The following SH3BP4 variants were observed in gnomAD, a reference collection of about 807,000 sequenced individuals.
SH3BP4 encodes the protein SH3 domain-binding protein 4.
SH3BP4 carries 33 observed loss-of-function variants against 65.5 expected under a neutral mutation model. The ratio of observed to expected loss-of-function variants is 0.50; its 90% CI spans 0.38 to 0.67. SH3BP4 has a LOEUF of 0.67. Among genes scored for constraint, SH3BP4 ranks in the 30% least tolerant of loss-of-function variants. SH3BP4 has a pLI of 0.00. For missense variants in SH3BP4, 1,134 were observed against 1,261.4 expected (o/e 0.90, Z 1.53); for synonymous variants, 552 against 545.5 (o/e 1.01, Z -0.17).
At chr2:235,008,339 C>T (rs1021143629) in intron 2 of SH3BP4, among the ~76,000 whole-genome samples, 1 of 152,132 alleles carries the variant, frequency 6.6e-6, no homozygotes, top group Non-Finnish European at 1.5e-5. Flanking sequence ...CTGGCATGAG[C>T]TCTGGGCTGC....
intron 2 of SH3BP4, among the ~76,000 whole-genome samples, chr2:235,013,410 T>C (rs1339044572): frequency 6.6e-6 from 1 of 152,228 alleles, no homozygotes; most frequent in African/African-American, 2.4e-5. Context: ...GGCTGGGGTC[T>C]CCCGCCCTTG....
chr2:235,041,471 G>A lies in SH3BP4; in HGVS notation c.702G>A (p.Arg234=). ...TCCACGCAGAGCCGCCGGTCAGGCG[G>A]GACAACCCCTTCTTCAGAAGCAAGC... ...NGLHAEPPVR[R]DNPFFRSKRS... is the part of the protein sequence containing the mutation. Residue 234 remains arginine (R), a synonymous_variant, in exon 4 of 6, where the codon CGG becomes CGA. Transcript: ENST00000392011. This position sits in a 1 kb window ranked among gnomAD's most constrained non-coding sequence, Gnocchi z 6.0. 1 of 1,614,162 alleles carries A rather than the reference G, an allele frequency of 6.2e-7. No homozygotes were observed. The highest frequency in any genetic ancestry group is 8.5e-7 in the Non-Finnish European group (1 of 1,180,040).
intron 2 of SH3BP4, among the ~76,000 whole-genome samples, chr2:235,002,482 A>G (rs1694158310): frequency 1.3e-5 from 2 of 152,234 alleles, no homozygotes; most frequent in South Asian, 4.2e-4. Context: ...ACTGTAATCC[A>G]AGGGAGGCTG....
At chr2:235,037,337 C>T (rs188240817) in intron 3 of SH3BP4, among the ~76,000 whole-genome samples, 1 of 152,128 alleles carries the variant, frequency 6.6e-6, no homozygotes, top group Non-Finnish European at 1.5e-5. Flanking sequence ...AAGGGGGAAT[C>T]ACACAACAGT....
In SH3BP4 at chr2:235,034,890, T is replaced by C; in HGVS notation, c.-113T>C. ...TTTCAGGAAGAAACATATTGCCGAG[T>C]GGATGCCGCCGCGCAGCGTGTTTGC... On this transcript the variant is annotated 5_prime_UTR_variant, in exon 3 of 6. Transcript: ENST00000392011. This position sits in a 1 kb window ranked among gnomAD's most constrained non-coding sequence, Gnocchi z 6.2. The C allele has an allele frequency of 1.2e-6, 1 of 824,284 alleles. No homozygotes were observed. Among genetic ancestry groups the C allele is most frequent in the South Asian group, 1.6e-5 (1 of 63,024 alleles). 51.1% of individuals were successfully genotyped at this position (824,284 alleles called of 1,614,324 possible). A position where few individuals can be genotyped will look rare whatever the true frequency, so the allele number is the denominator to read the frequency against.
At chr2:235,002,528 C>T (rs1211516874) in intron 2 of SH3BP4, among the ~76,000 whole-genome samples, 1 of 152,142 alleles carries the variant, frequency 6.6e-6, no homozygotes, top group Non-Finnish European at 1.5e-5. Flanking sequence ...GAGTTCAAGT[C>T]CAGCCTGGGC....
In SH3BP4 at chr2:235,035,298, T is replaced by C. The variant is rs1695343270; in HGVS notation, c.118+178T>C. On this transcript the variant is annotated intron_variant, in intron 3 of 5. Transcript: ENST00000392011. The surrounding 1 kb of genome is among the most constrained non-coding windows in gnomAD (Gnocchi z 5.0). ...CCTGGAATCATAGTCACTTGTCTTA[T>C]TTTTTGGTTCCCCCTTATTAGTGAA... Among the ~76,000 whole-genome samples, 1 of 152,228 alleles carries C rather than the reference T, an allele frequency of 6.6e-6. No individual in the cohort carries two copies.
chr2:234,959,223 T>C (rs1692652334), intron 1 of SH3BP4, among the ~76,000 whole-genome samples: 1 of 152,214 alleles, frequency 6.6e-6, no homozygotes, highest in African/African-American at 2.4e-5. Flanking sequence ...CCGAGGAACC[T>C]GCACCTGGGT....
chr2:235,015,574 C>T (rs535144957), intron 2 of SH3BP4, among the ~76,000 whole-genome samples: 1 of 152,322 alleles, frequency 6.6e-6, no homozygotes, highest in South Asian at 2.1e-4. Context: ...CAGTGTTAGC[C>T]TGAAGGACCA....
rs761804882 is a variant in SH3BP4 at position 235,042,067 on chromosome 2, G to A, written c.1298G>A (p.Ser433Asn). Residue 433 changes from serine (S) to asparagine (N), a missense_variant, in exon 4 of 6, where the codon AGC becomes AAC. Ser to Asn is a conservative substitution (Grantham distance 46). Coordinates refer to ENST00000392011, the MANE Select transcript of SH3BP4 (RefSeq NM_014521.3). The surrounding 1 kb of genome is among the most constrained non-coding windows in gnomAD (Gnocchi z 7.3). Reference protein sequence around the residue: ...GPYVSVPLNCSCGDTVQAQLH... With the variant: ...GPYVSVPLNCNCGDTVQAQLH... Reference sequence around the variant, plus strand: ...TATGTCTCCGTCCCGCTCAACTGCAGCTGTGGGGACACGGTCCAGGCACAG... The same window carrying A: ...TATGTCTCCGTCCCGCTCAACTGCAACTGTGGGGACACGGTCCAGGCACAG... The A allele has an allele frequency of 1.2e-6, 2 of 1,614,084 alleles. No individual in the cohort carries two copies. Among genetic ancestry groups the A allele is most frequent in the Non-Finnish European group, 1.7e-6 (2 of 1,180,044 alleles).
At chr2:235,048,216 C>A (rs1695935372) in intron 4 of SH3BP4, among the ~76,000 whole-genome samples, 1 of 152,128 alleles carries the variant, frequency 6.6e-6, no homozygotes, top group South Asian at 2.1e-4. Context: ...TGTCCAGATG[C>A]CATGTGCAGA....
intron 1 of SH3BP4, among the ~76,000 whole-genome samples, chr2:234,975,945 A>G (rs1189932279): frequency 6.6e-6 from 1 of 152,186 alleles, no homozygotes; most frequent in Non-Finnish European, 1.5e-5. Context: ...TCTAACCTCT[A>G]GTGGCTTCCC....
intron 2 of SH3BP4, among the ~76,000 whole-genome samples, chr2:234,998,221 TG>T (rs757938609): frequency 6.6e-6 from 1 of 152,226 alleles, no homozygotes; most frequent in Non-Finnish European, 1.5e-5. Context: ...TTAGCTTAGC[TG>T]GGTGCCTGGG....
At position 235,046,470 on chromosome 2, in the gene SH3BP4, G is replaced by A. The variant is rs1695862841; in HGVS notation, c.2478+3223G>A. 1.3e-5 allele frequency among the ~76,000 whole-genome samples: 2 copies of A among 151,990 alleles called. No individual in the cohort carries two copies. Among genetic ancestry groups the A allele is most frequent in the South Asian group, 4.2e-4 (2 of 4,808 alleles). On this transcript the variant is annotated intron_variant, in intron 4 of 5. Coordinates refer to ENST00000392011, the MANE Select transcript of SH3BP4 (RefSeq NM_014521.3). The surrounding 1 kb of genome is among the most constrained non-coding windows in gnomAD (Gnocchi z 4.2). ...ACCTGTAGTCCCAGCTACTTGGGAG[G>A]CTGAGGTGGGAGGATCACTTGAGCC...
In SH3BP4 at chr2:235,033,820, C is replaced by T. The variant is rs931593260; in HGVS notation, c.-132-1051C>T. Among the ~76,000 whole-genome samples, 14 of 152,278 alleles carry T rather than the reference C, an allele frequency of 9.2e-5. No individual in the cohort carries two copies. Among genetic ancestry groups the T allele is most frequent in the African/African-American group, 3.1e-4 (13 of 41,542 alleles). ...ACGTTGCAAAGGGTGGTGTCAGGGC[C>T]TCCGGGTCTCTGCATGGTAAAGGCA... is the stretch of plus-strand genomic sequence containing the variant. On this transcript the variant is annotated intron_variant, in intron 2 of 5. Transcript: ENST00000392011. The surrounding 1 kb of genome is among the most constrained non-coding windows in gnomAD (Gnocchi z 5.7).
At chr2:235,013,743 G>C (rs1483117563) in intron 2 of SH3BP4, among the ~76,000 whole-genome samples, 1 of 152,158 alleles carries the variant, frequency 6.6e-6, no homozygotes, top group Non-Finnish European at 1.5e-5. Context: ...CGCATTCCTA[G>C]TTAATTGCAA....
Position 235,040,234 on chromosome 2 carries a change from C to CATAAATAA in SH3BP4, c.119-641_119-634dup, listed in dbSNP as rs140096156. The stretch of plus-strand genomic sequence containing the variant: ...TGGGTGGCGGAGTGAGACACTGTCT[C>CATAAATAA]ATAAATAAATAAATAAATAAGTAAA... On this transcript the variant is annotated intron_variant, in intron 3 of 5. Transcript: ENST00000392011. 8.6e-5 allele frequency among the ~76,000 whole-genome samples: 13 copies of CATAAATAA among 151,620 alleles called. No individual in the cohort carries two copies. The East Asian group carries it at 1.2e-3, about 14-fold the overall frequency.
rs1695164796 is a variant in SH3BP4, at chr2:235,030,913, C to A, written c.-132-3958C>A. 6.6e-6 allele frequency among the ~76,000 whole-genome samples: 1 copy of A among 152,132 alleles called. No homozygotes were observed. The highest frequency in any genetic ancestry group is 1.5e-5 in the Non-Finnish European group (1 of 68,018). ...CCTCTTTCTGTACTGTAAAAACGGC[C>A]CCAAGGGTGCGGACAGGGGGCACCT... is the stretch of plus-strand genomic sequence containing the variant. On this transcript the variant is annotated intron_variant, in intron 2 of 5. Coordinates refer to ENST00000392011, the MANE Select transcript of SH3BP4 (RefSeq NM_014521.3). The surrounding 1 kb of genome is among the most constrained non-coding windows in gnomAD (Gnocchi z 4.1).
At chr2:234,973,456 T>C (rs1296811941) in intron 1 of SH3BP4, among the ~76,000 whole-genome samples, 1 of 152,184 alleles carries the variant, frequency 6.6e-6, no homozygotes, top group African/African-American at 2.4e-5. Context: ...TTTGCAGAAG[T>C]CATTCCAGTG....
Sources: allele counts gnomAD v4.1 joint callset (sites outside exome capture counted in the v4.1 genomes callset), GRCh38; gene constraint gnomAD v4.1.1; non-coding constraint Gnocchi (gnomAD v3.1); transcripts MANE v1.5; gene names NCBI Gene and HGNC (gene_info 2026-07-23, HGNC 2026-07-21).